The following SMYD3 variants were observed in gnomAD, a reference collection of about 807,000 sequenced individuals.
SMYD3 encodes the protein SET and MYND domain containing 3.
A neutral mutation model predicts 57.7 loss-of-function variants in SMYD3; 36 were observed. The ratio of observed to expected loss-of-function variants is 0.62; its 90% CI spans 0.48 to 0.82. The LOEUF (loss-of-function observed/expected upper bound fraction) is 0.82, where lower values mean the gene tolerates loss of function less well. Ranked by LOEUF, SMYD3 falls within the 40% of genes least tolerant of loss-of-function variation. SMYD3 has a pLI of 0.00. For synonymous variants in SMYD3, 211 were observed against 195.0 expected (o/e 1.08, Z -0.68); for missense variants, 515 against 538.8 (o/e 0.96, Z 0.44).
intron 5 of SMYD3, among the ~76,000 whole-genome samples, chr1:246,006,999 G>T (rs1031773083): frequency 6.6e-6 from 1 of 152,172 alleles, no homozygotes; most frequent in Non-Finnish European, 1.5e-5. Context: ...CCTGTTACAC[G>T]GTTCTGTTCT....
At chr1:246,279,058 G>A (rs996818643) in intron 5 of SMYD3, among the ~76,000 whole-genome samples, 1 of 152,092 alleles carries the variant, frequency 6.6e-6, no homozygotes, top group Non-Finnish European at 1.5e-5. Flanking sequence ...GCTACTACAT[G>A]TGACTCACAG....
chr1:246,352,997 C>G (rs111698628), intron 2 of SMYD3, among the ~76,000 whole-genome samples: 81 of 152,254 alleles, frequency 5.3e-4, no homozygotes, highest in African/African-American at 1.9e-3. Flanking sequence ...TTCCTAGAAA[C>G]AAATAGCTGA....
At chr1:245,893,431 G>A (rs759664881) in intron 8 of SMYD3, among the ~76,000 whole-genome samples, 1 of 152,130 alleles carries the variant, frequency 6.6e-6, no homozygotes, top group Non-Finnish European at 1.5e-5. Flanking sequence ...CAGTGGCTTT[G>A]ACAACCACCA....
At position 246,500,818 on chromosome 1, in the gene SMYD3, T is replaced by C. The variant is rs183259840; in HGVS notation, c.164+6236A>G. On this transcript the variant is annotated intron_variant, in intron 1 of 11. Transcript: ENST00000490107. Reference sequence around the variant, plus strand: ...GTCTGATTAAGAACGCCCTCTGCTGTGGCATTCACATGGACCAAATGTTTT... The same window carrying C: ...GTCTGATTAAGAACGCCCTCTGCTGCGGCATTCACATGGACCAAATGTTTT... Among the ~76,000 whole-genome samples the C allele has an allele frequency of 2.3e-3, 347 of 152,318 alleles. 5 individuals are homozygous for C. Among genetic ancestry groups the C allele is most frequent in the Non-Finnish European group, 7.1e-4 (48 of 68,036 alleles).
rs950595940 is a variant in SMYD3 at position 246,073,796 on chromosome 1, G to A, written c.532-143859C>T. Reference sequence around the variant, plus strand: ...CAACATTTGGAATTATGGCATTCAAGATAGTGTCTCTCAAGATTATGGTCC... The same window carrying A: ...CAACATTTGGAATTATGGCATTCAAAATAGTGTCTCTCAAGATTATGGTCC... On this transcript the variant is annotated intron_variant, in intron 5 of 11. Transcript: ENST00000490107. 1.1e-4 allele frequency among the ~76,000 whole-genome samples: 16 copies of A among 152,118 alleles called. 1 individual carries two copies. Among genetic ancestry groups the A allele is most frequent in the Admixed American group, 9.8e-4 (15 of 15,262 alleles).
At chr1:245,817,509 C>T (rs576368142) in intron 10 of SMYD3, among the ~76,000 whole-genome samples, 136 of 152,174 alleles carry the variant, frequency 8.9e-4, no homozygotes, top group Non-Finnish European at 1.3e-3. Flanking sequence ...TCCAAAGGAA[C>T]GCAGTTCCTC....
chr1:246,000,970 G>C (rs993398593), intron 5 of SMYD3, among the ~76,000 whole-genome samples: 1 of 152,140 alleles, frequency 6.6e-6, no homozygotes, highest in Non-Finnish European at 1.5e-5. Context: ...GTCCGAGTAA[G>C]GTTTTCCTTA....
At chr1:245,778,382 A>AT (rs1553319320) in intron 10 of SMYD3, among the ~76,000 whole-genome samples, 17 of 151,080 alleles carry the variant, frequency 1.1e-4, no homozygotes, top group East Asian at 1.9e-4. Flanking sequence ...GTAGCCAATT[A>AT]TTTTTTTTTT....
rs185388109 is a variant in SMYD3 at position 246,197,147 on chromosome 1, G to A, written c.531+130054C>T. Among the ~76,000 whole-genome samples, 675 of 152,246 alleles carry A rather than the reference G, an allele frequency of 4.4e-3. 5 individuals carry two copies. Among genetic ancestry groups the A allele is most frequent in the Middle Eastern group, 0.01 (3 of 294 alleles). On this transcript the variant is annotated intron_variant, in intron 5 of 11. Transcript: ENST00000490107. ...TAGAGATATAAAATAAATTGTGTAC[G>A]AATACATACTGATATAAATAAAAGA...
At chr1:246,100,405 C>A (rs2060988471) in intron 5 of SMYD3, among the ~76,000 whole-genome samples, 1 of 152,182 alleles carries the variant, frequency 6.6e-6, no homozygotes, top group Non-Finnish European at 1.5e-5. Context: ...ACTCAGGAGT[C>A]ACTCCAAGGC....
chr1:246,016,480 G>A (rs1160615217), intron 5 of SMYD3, among the ~76,000 whole-genome samples: 1 of 152,116 alleles, frequency 6.6e-6, no homozygotes, highest in Non-Finnish European at 1.5e-5. Flanking sequence ...CTACTCGGGA[G>A]GCTGAGGCAG....
chr1:246,061,748 T>C (rs1460637992), intron 5 of SMYD3, among the ~76,000 whole-genome samples: 1 of 152,004 alleles, frequency 6.6e-6, no homozygotes, highest in Non-Finnish European at 1.5e-5. Flanking sequence ...TTTTAAAAGT[T>C]AAAGCTAACA....
intron 5 of SMYD3, among the ~76,000 whole-genome samples, chr1:246,247,773 C>T (rs1284992632): frequency 1.3e-5 from 2 of 151,898 alleles, no homozygotes; most frequent in Non-Finnish European, 2.9e-5. Flanking sequence ...TCACCTATTG[C>T]CTTCAAAAAA....
chr1:245,997,230 C>G (rs1221709594), intron 5 of SMYD3, among the ~76,000 whole-genome samples: 5 of 152,178 alleles, frequency 3.3e-5, no homozygotes, highest in African/African-American at 7.2e-5. Context: ...AGAAAAAGAT[C>G]AATTTGTTAA....
At chr1:246,304,564 G>T (rs2064948063) in intron 5 of SMYD3, among the ~76,000 whole-genome samples, 1 of 152,140 alleles carries the variant, frequency 6.6e-6, no homozygotes, top group East Asian at 1.9e-4. Context: ...TAAAGATTTT[G>T]ATGTTTAGCC....
At chr1:245,876,113 C>T (rs1332886518) in intron 8 of SMYD3, among the ~76,000 whole-genome samples, 4 of 152,184 alleles carry the variant, frequency 2.6e-5, no homozygotes, top group Non-Finnish European at 5.9e-5. Context: ...AGTGTGCAAA[C>T]ACACAGATAC....
intron 5 of SMYD3, among the ~76,000 whole-genome samples, chr1:246,027,659 T>C (rs927638255): frequency 7.9e-5 from 12 of 152,220 alleles, no homozygotes; most frequent in African/African-American, 2.7e-4. Flanking sequence ...AAAACATTAC[T>C]GTTGATTGAC....
At chr1:246,506,996 C>CCCCCCCCCCCCCCCCCCA in intron 1 of SMYD3, 58 bp downstream of exon 1, 2 of 815,826 alleles carry the variant, frequency 2.5e-6, no homozygotes, top group Non-Finnish European at 3.4e-6. Flanking sequence ...GACGCCCCCC[C>CCCCCCCCCCCCCCCCCCA]CTCCCCAGCA....
intron 10 of SMYD3, among the ~76,000 whole-genome samples, chr1:245,833,073 A>AAAAAACACAAC: frequency 1.2e-4 from 15 of 128,666 alleles, no homozygotes; most frequent in South Asian, 3.1e-4. Flanking sequence ...AAAAAAAAAA[A>AAAAAACACAAC]AACCTGCTTT....
Sources: allele counts gnomAD v4.1 joint callset (sites outside exome capture counted in the v4.1 genomes callset), GRCh38; gene constraint gnomAD v4.1.1; transcripts MANE v1.5; gene names NCBI Gene and HGNC (gene_info 2026-07-23, HGNC 2026-07-21).